The following EPHA6 variants were observed in gnomAD, a reference collection of about 807,000 sequenced individuals.
EPHA6 encodes EPH receptor A6, also known as ephrin type-A receptor 6.
In EPHA6, 50 loss-of-function variants were observed where a neutral mutation model predicts 112.0. That is an observed-to-expected ratio of 0.45 (90% CI 0.36 to 0.56). EPHA6 has a LOEUF of 0.56. Ranked by LOEUF, EPHA6 falls within the 20% of genes least tolerant of loss-of-function variation. The pLI, the probability that EPHA6 is intolerant of heterozygous loss-of-function variation, is 0.00. For synonymous variants in EPHA6, 529 were observed against 490.7 expected (o/e 1.08, Z -1.03); for missense variants, 1,280 against 1,417.4 (o/e 0.90, Z 1.56).
intron 2 of EPHA6, among the ~76,000 whole-genome samples, chr3:96,915,208 A>G (rs951809412): frequency 1.3e-5 from 2 of 151,962 alleles, no homozygotes; most frequent in Non-Finnish European, 2.9e-5. Context: ...CAATGTAAGG[A>G]AAATGTCACA....
At chr3:97,173,192 A>G (rs1158214418) in intron 3 of EPHA6, among the ~76,000 whole-genome samples, 1 of 151,938 alleles carries the variant, frequency 6.6e-6, no homozygotes, top group African/African-American at 2.4e-5. Context: ...GAAATGTCAT[A>G]AAGTGCTTTT....
chr3:97,220,240 C>T (rs1463373521), intron 3 of EPHA6, among the ~76,000 whole-genome samples: 1 of 152,212 alleles, frequency 6.6e-6, no homozygotes, highest in Non-Finnish European at 1.5e-5. Flanking sequence ...CTTCTGAGCC[C>T]TCCAGGTCTC....
chr3:97,075,559 CAT>C (rs2046490106), intron 3 of EPHA6, among the ~76,000 whole-genome samples: 1 of 152,014 alleles, frequency 6.6e-6, no homozygotes, highest in East Asian at 1.9e-4. Flanking sequence ...TTATGAGAAA[CAT>C]AGTTTACATG....
intron 11 of EPHA6, among the ~76,000 whole-genome samples, chr3:97,542,640 T>C (rs2107679918): frequency 6.6e-6 from 1 of 152,354 alleles, no homozygotes; most frequent in Middle Eastern, 3.4e-3. Flanking sequence ...AAATGGTATT[T>C]CTAGTTCTAG....
chr3:97,739,984 T>G (rs943299432), intron 16 of EPHA6, among the ~76,000 whole-genome samples: 2 of 152,126 alleles, frequency 1.3e-5, no homozygotes, highest in Admixed American at 6.6e-5. Flanking sequence ...GCCAAGGTTG[T>G]GTGTAGAACA....
chr3:96,865,369 C>T (rs1274893107), intron 1 of EPHA6, among the ~76,000 whole-genome samples: 2 of 151,944 alleles, frequency 1.3e-5, no homozygotes, highest in Admixed American at 6.6e-5. Context: ...CTCACAATTG[C>T]ATTTTAAAAA....
chr3:96,913,689 C>A (rs2039345324), intron 2 of EPHA6, among the ~76,000 whole-genome samples: 1 of 152,094 alleles, frequency 6.6e-6, no homozygotes, highest in African/African-American at 2.4e-5. Flanking sequence ...TTGCTGTACT[C>A]TCCGTGTCTT....
At chr3:97,330,641 G>C (rs1391815560) in intron 5 of EPHA6, among the ~76,000 whole-genome samples, 2 of 151,994 alleles carry the variant, frequency 1.3e-5, no homozygotes, top group African/African-American at 4.8e-5. Context: ...GATCAAAAGA[G>C]ACAAAGAAGG....
chr3:96,840,441 G>A (rs1210840887), intron 1 of EPHA6, among the ~76,000 whole-genome samples: 1 of 152,104 alleles, frequency 6.6e-6, no homozygotes, highest in South Asian at 2.1e-4. Context: ...GGCTCAGCAA[G>A]TCTGTCAGTA....
chr3:97,642,674 G>A (rs964055972), intron 14 of EPHA6, among the ~76,000 whole-genome samples: 1 of 152,060 alleles, frequency 6.6e-6, no homozygotes, highest in Non-Finnish European at 1.5e-5. Flanking sequence ...GCGATCAACT[G>A]GAAGAAAGGG....
intron 11 of EPHA6, among the ~76,000 whole-genome samples, chr3:97,541,282 G>C (rs1327895022): frequency 6.6e-6 from 1 of 152,088 alleles, no homozygotes; most frequent in African/African-American, 2.4e-5. Context: ...TATAATTTCA[G>C]TCTTATAGAA....
At position 97,638,020 on chromosome 3, in the gene EPHA6, G is replaced by A. The variant is rs1375189351; in HGVS notation, c.2722G>A (p.Val908Ile). The A allele has an allele frequency of 1.9e-6, 3 of 1,613,914 alleles. No individual in the cohort carries two copies. The highest frequency in any genetic ancestry group is 2.2e-5 in the South Asian group (2 of 91,084). ...ILVNSNLVCKVSDFGLSRVLE... is the reference protein window; with the variant it reads ...ILVNSNLVCKISDFGLSRVLE... ...GGTCAATAGCAACTTAGTATGCAAA[G>A]TTTCTGATTTTGGTCTCTCCAGAGT... Residue 908 changes from valine (V) to isoleucine (I), a missense_variant, in exon 14 of 18, where the codon GTT becomes ATT. Val to Ile is a conservative substitution (Grantham distance 29). This residue lies in a region of EPHA6 where 878 missense variants were observed against 999.7 expected (regional missense o/e 0.88). Transcript: ENST00000389672.
At chr3:97,582,834 A>C (rs765465302) in intron 11 of EPHA6, among the ~76,000 whole-genome samples, 1 of 152,164 alleles carries the variant, frequency 6.6e-6, no homozygotes, top group East Asian at 1.9e-4. Context: ...TTTGATATGT[A>C]TTAAAACATT....
At chr3:97,470,676 T>G (rs1175655634) in intron 7 of EPHA6, among the ~76,000 whole-genome samples, 1 of 151,542 alleles carries the variant, frequency 6.6e-6, no homozygotes, top group Non-Finnish European at 1.5e-5. Flanking sequence ...ACTTTTTTTT[T>G]CTTTAGATGG....
intron 5 of EPHA6, among the ~76,000 whole-genome samples, chr3:97,259,392 C>A (rs1052965130): frequency 6.6e-6 from 1 of 151,384 alleles, no homozygotes; most frequent in African/African-American, 2.4e-5. Flanking sequence ...AAATGTATTT[C>A]TCAAGGTTAT....
intron 3 of EPHA6, among the ~76,000 whole-genome samples, chr3:97,178,530 C>T (rs77805041): frequency 0.056 from 8,563 of 152,078 alleles, 805 homozygotes; most frequent in African/African-American, 0.2. Context: ...TCTTGTAGGA[C>T]AGGTCTAATG....
At chr3:96,977,498 G>A (rs575280076) in intron 2 of EPHA6, among the ~76,000 whole-genome samples, 9 of 152,178 alleles carry the variant, frequency 5.9e-5, no homozygotes, top group East Asian at 3.9e-4. Context: ...AATTATACTT[G>A]TATTCTATAC....
chr3:97,046,929 G>T (rs1457581576), intron 3 of EPHA6, among the ~76,000 whole-genome samples: 1 of 151,884 alleles, frequency 6.6e-6, no homozygotes, highest in Non-Finnish European at 1.5e-5. Context: ...ACTAATACAA[G>T]AATTGTCTAA....
intron 2 of EPHA6, among the ~76,000 whole-genome samples, chr3:96,882,736 G>GTA (rs1319298678): frequency 7.4e-6 from 1 of 134,698 alleles, no homozygotes; most frequent in Non-Finnish European, 1.5e-5. Flanking sequence ...GTGTCTGTGT[G>GTA]TGTGTGTGTG....
Sources: gnomAD v4.1 joint callset for allele counts (sites outside exome capture counted in the v4.1 genomes callset) on GRCh38, gnomAD v4.1.1 for gene constraint, gnomAD v4.1.1 regional missense constraint, MANE v1.5 for transcripts, NCBI Gene and HGNC (gene_info 2026-07-23, HGNC 2026-07-21) for gene names.